The following ESRRB variants were observed in gnomAD, a reference collection of about 807,000 sequenced individuals.
The protein encoded by ESRRB is steroid hormone receptor ERR2.
ESRRB carries 16 observed loss-of-function variants against 46.0 expected under a neutral mutation model. That is an observed-to-expected ratio of 0.35 (90% CI 0.24 to 0.53). The LOEUF is 0.53. Among genes scored for constraint, ESRRB ranks in the 20% least tolerant of loss-of-function variants. The probability of loss-of-function intolerance (pLI) is 0.93; values close to 1 mark genes in which losing one functional copy is unlikely to be tolerated. For missense variants in ESRRB, 488 were observed against 607.4 expected, an observed-to-expected ratio of 0.80 and a Z score of 2.07; for synonymous variants, 246 against 259.6, an observed-to-expected ratio of 0.95 and a Z score of 0.50.
intron 3 of ESRRB, chr14:76,463,105 G>A (rs1466994736): frequency 3.9e-6 from 1 of 256,170 alleles, no homozygotes; most frequent in Non-Finnish European, 7.6e-6. Flanking sequence ...CTGGTGGGTG[G>A]ACAGGACATG....
intron 1 of ESRRB, among the ~76,000 whole-genome samples, chr14:76,330,622 G>C (rs1884002220): frequency 6.6e-6 from 1 of 152,184 alleles, no homozygotes; most frequent in Admixed American, 6.5e-5. Context: ...AGGAAGGGAG[G>C]ATCGAGGATC....
Position 76,499,121 on chromosome 14 carries a change from GTGTCCACCTGTCCTCCTCC to G in ESRRB, c.*665_*683del, listed in dbSNP as rs1313034820. 6.1e-6 allele frequency: 2 copies of G among 329,098 alleles called. No homozygotes were observed. The highest frequency in any genetic ancestry group is 4.4e-5 in the African/African-American group (2 of 45,824). 20.4% of individuals were successfully genotyped at this position (329,098 alleles called of 1,614,324 possible). On this transcript the variant is annotated 3_prime_UTR_variant, in exon 7 of 7. Transcript: ENST00000644823. The stretch of plus-strand genomic sequence containing the variant: ...CCCCTGCCTGTCACCCACCGCGCCG[GTGTCCACCTGTCCTCCTCC>G]TCTTCTCCTCCCCCCGGGAGTCCCC...
intron 1 of ESRRB, among the ~76,000 whole-genome samples, chr14:76,408,415 CA>C (rs975078717): frequency 1.3e-5 from 2 of 151,734 alleles, no homozygotes; most frequent in East Asian, 3.9e-4. Context: ...TCTGTCTCTA[CA>C]AAAAATTTTT....
chr14:76,334,646 G>A (rs1424043908), intron 1 of ESRRB, among the ~76,000 whole-genome samples: 1 of 152,208 alleles, frequency 6.6e-6, no homozygotes, highest in African/African-American at 2.4e-5. Flanking sequence ...GATCTGATGT[G>A]GGGAGGGGTG....
At chr14:76,344,375 A>G (rs1252121361) in intron 1 of ESRRB, among the ~76,000 whole-genome samples, 3 of 152,150 alleles carry the variant, frequency 2.0e-5, no homozygotes, top group Non-Finnish European at 4.4e-5. Context: ...CCATCACTCA[A>G]GCAGTACACA....
At chr14:76,318,482 C>A (rs1265699154) in intron 1 of ESRRB, among the ~76,000 whole-genome samples, 1 of 152,180 alleles carries the variant, frequency 6.6e-6, no homozygotes. Context: ...CTAATGGTGA[C>A]CTCCATGAAA....
intron 1 of ESRRB, among the ~76,000 whole-genome samples, chr14:76,331,246 C>G (rs1219084605): frequency 1.3e-5 from 2 of 152,200 alleles, no homozygotes; most frequent in African/African-American, 4.8e-5. Flanking sequence ...GGGCATTTCC[C>G]TGGCCTGAGT....
chr14:76,427,372 C>T (rs893190310), intron 1 of ESRRB, among the ~76,000 whole-genome samples: 6 of 151,394 alleles, frequency 4.0e-5, no homozygotes, highest in Non-Finnish European at 7.4e-5. Context: ...TGTGTGTGTA[C>T]GTGTACATGC....
At chr14:76,490,855 C>T (rs1890195591) in intron 5 of ESRRB, among the ~76,000 whole-genome samples, 1 of 152,168 alleles carries the variant, frequency 6.6e-6, no homozygotes, top group African/African-American at 2.4e-5. Context: ...TGCCCCTGAC[C>T]CCGGGGGCTC....
At chr14:76,478,957 G>A (rs949205678) in intron 3 of ESRRB, among the ~76,000 whole-genome samples, 1 of 152,188 alleles carries the variant, frequency 6.6e-6, no homozygotes, top group African/African-American at 2.4e-5. Flanking sequence ...GAGCTGGATG[G>A]CATCTAGCTG....
At chr14:76,414,933 G>A (rs1271019008) in intron 1 of ESRRB, among the ~76,000 whole-genome samples, 1 of 152,170 alleles carries the variant, frequency 6.6e-6, no homozygotes, top group Non-Finnish European at 1.5e-5. Context: ...GGGGATTGAA[G>A]TAAATGAGCC....
intron 1 of ESRRB, among the ~76,000 whole-genome samples, chr14:76,358,383 GAAAGAAAGAAAGAAAGAA>G (rs1884419961): frequency 1.6e-5 from 1 of 60,814 alleles, no homozygotes; most frequent in Non-Finnish European, 3.7e-5. Context: ...AAGAAAGAAA[GAAAGAAAGAAAGAAAGAA>G]AGAAAGAAAG....
intron 2 of ESRRB, among the ~76,000 whole-genome samples, chr14:76,453,907 G>T (rs111652166): frequency 0.022 from 3,386 of 152,110 alleles, 134 homozygotes; most frequent in African/African-American, 0.077. Context: ...CCTAATCGGT[G>T]GATTCTTTTT....
At chr14:76,481,699 TC>T (rs1889811173) in intron 3 of ESRRB, among the ~76,000 whole-genome samples, 2 of 152,206 alleles carry the variant, frequency 1.3e-5, no homozygotes, top group Non-Finnish European at 1.5e-5. Context: ...TGTGACTTCT[TC>T]CGCCAACACT....
chr14:76,310,883 C>T, exon 1 of ESRRB: 1 of 455,046 alleles, frequency 2.2e-6, no homozygotes, highest in Non-Finnish European at 4.4e-6. Flanking sequence ...TCCACCCCAG[C>T]CCAGTCCTCG....
At chr14:76,453,597 CTTTT>C (rs796736002) in intron 2 of ESRRB, among the ~76,000 whole-genome samples, 9 of 134,294 alleles carry the variant, frequency 6.7e-5, no homozygotes, top group African/African-American at 1.7e-4. Context: ...AAAAAAAGCT[CTTTT>C]TTTTTTTTTT....
chr14:76,432,820 G>A (rs1331031561), intron 1 of ESRRB, among the ~76,000 whole-genome samples: 1 of 128,156 alleles, frequency 7.8e-6, no homozygotes, highest in Non-Finnish European at 1.6e-5. Flanking sequence ...GACTACAGGC[G>A]CATGCCACCA....
At position 76,439,587 on chromosome 14, in the gene ESRRB, C is replaced by T. The variant is rs1887828844; in HGVS notation, c.297C>T (p.Asp99=). The T allele has an allele frequency of 6.2e-7, 1 of 1,614,080 alleles. No individual in the cohort carries two copies. The highest frequency in any genetic ancestry group is 1.7e-5 in the Admixed American group (1 of 60,018). The change falls in exon 2 of 7, where the codon GAC becomes GAT. Residue 99 remains aspartate (D), a synonymous_variant. Coordinates refer to ENST00000644823, the MANE Select transcript of ESRRB (RefSeq NM_001379180.1). ...CCCCATGCCGCAAGAGCTACGAGGA[C>T]TGTGCCAGCGGCATCATGGAGGACT... The part of the protein sequence containing the change: ...GGTPCRKSYE[D]CASGIMEDSA...
intron 1 of ESRRB, among the ~76,000 whole-genome samples, chr14:76,323,441 C>G (rs1314940085): frequency 6.6e-6 from 1 of 151,730 alleles, no homozygotes; most frequent in Non-Finnish European, 1.5e-5. Flanking sequence ...TCTTGAGTAG[C>G]TGGGACTACA....
Sources: allele counts gnomAD v4.1 joint callset (sites outside exome capture counted in the v4.1 genomes callset), GRCh38; gene constraint gnomAD v4.1.1; transcripts MANE v1.5; gene names NCBI Gene and HGNC (gene_info 2026-07-23, HGNC 2026-07-21).